Variants in LYPLAL1 observed in about 807,000 individuals in gnomAD.
The protein encoded by LYPLAL1 is lysophospholipase-like protein 1.
Under a neutral mutation model 19.7 loss-of-function variants are expected in LYPLAL1, and 23 were observed. The observed-to-expected ratio is 1.17, with a 90% CI of 0.84 to 1.65. LYPLAL1 has a LOEUF of 1.65. LYPLAL1 is among the 40% of genes most tolerant of loss of function. The pLI, the probability that LYPLAL1 is intolerant of heterozygous loss-of-function variation, is 0.00. For missense variants in LYPLAL1, 355 were observed against 279.4 expected, an observed-to-expected ratio of 1.27 and a Z score of -1.93; for synonymous variants, 119 against 96.3, an observed-to-expected ratio of 1.24 and a Z score of -1.38.
the LYPLAL1 span, among the ~76,000 whole-genome samples, chr1:219,290,181 A>G: frequency 6.6e-6 from 1 of 152,184 alleles, no homozygotes; most frequent in African/African-American, 2.4e-5. Context: ...AAATAAGTAA[A>G]TAAATGGACA....
the LYPLAL1 span, among the ~76,000 whole-genome samples, chr1:219,324,666 T>A: frequency 1.3e-5 from 2 of 152,126 alleles, no homozygotes; most frequent in African/African-American, 4.8e-5. Context: ...TGACATCAGA[T>A]TGACATGGAT....
chr1:219,238,304 ATTTTTTTTTTTTTT>A, the LYPLAL1 span, among the ~76,000 whole-genome samples: 1 of 81,904 alleles, frequency 1.2e-5, no homozygotes, highest in Non-Finnish European at 2.2e-5. Flanking sequence ...CGCCCGGCTA[ATTTTTTTTTTTTTT>A]TTTTTTTTTT....
chr1:219,400,953 T>C, the LYPLAL1 span, among the ~76,000 whole-genome samples: 1 of 152,246 alleles, frequency 6.6e-6, no homozygotes, highest in Non-Finnish European at 1.5e-5. Context: ...AAAAAGGGTT[T>C]GATGAATATT....
chr1:219,307,814 G>A, the LYPLAL1 span, among the ~76,000 whole-genome samples: 1 of 152,142 alleles, frequency 6.6e-6, no homozygotes, highest in East Asian at 1.9e-4. Context: ...TTCTGCTTTT[G>A]CTTCCTCCTT....
chr1:219,244,449 T>G, the LYPLAL1 span, among the ~76,000 whole-genome samples: 14 of 152,170 alleles, frequency 9.2e-5, no homozygotes, highest in Non-Finnish European at 1.3e-4. Context: ...TACTGCCTGG[T>G]AGAGCACATG....
At chr1:219,192,448 T>A (rs1657256349) in intron 2 of LYPLAL1, among the ~76,000 whole-genome samples, 1 of 151,580 alleles carries the variant, frequency 6.6e-6, no homozygotes, top group Non-Finnish European at 1.5e-5. Flanking sequence ...TGTCACTGGC[T>A]ATGTTTTCTT....
intron 3 of LYPLAL1, among the ~76,000 whole-genome samples, chr1:219,207,016 T>C (rs978167809): frequency 1.3e-5 from 2 of 152,034 alleles, no homozygotes; most frequent in African/African-American, 4.8e-5. Context: ...GCTTAGATGG[T>C]CTAGAACTAT....
At chr1:219,434,012 C>T in the LYPLAL1 span, among the ~76,000 whole-genome samples, 8 of 151,676 alleles carry the variant, frequency 5.3e-5, no homozygotes, top group African/African-American at 1.5e-4. Context: ...AGAAAGTTTC[C>T]GAGAAATGCC....
At chr1:219,378,985 A>C in the LYPLAL1 span, among the ~76,000 whole-genome samples, 4 of 152,168 alleles carry the variant, frequency 2.6e-5, no homozygotes, top group Non-Finnish European at 5.9e-5. Flanking sequence ...ACAAATTCAT[A>C]ATTCATACTA....
chr1:219,412,785 G>A, the LYPLAL1 span, among the ~76,000 whole-genome samples: 1 of 152,154 alleles, frequency 6.6e-6, no homozygotes, highest in Non-Finnish European at 1.5e-5. Context: ...TACCGACACA[G>A]GCAAGATGCA....
chr1:219,356,880 A>G, the LYPLAL1 span, among the ~76,000 whole-genome samples: 1 of 152,188 alleles, frequency 6.6e-6, no homozygotes. Context: ...AGGAACATAT[A>G]TTTGTCATTT....
chr1:219,194,705 A>G (rs890145906), intron 3 of LYPLAL1, among the ~76,000 whole-genome samples: 4 of 152,072 alleles, frequency 2.6e-5, no homozygotes, highest in African/African-American at 7.2e-5. Context: ...ACATTACCCA[A>G]TCAATAAATT....
At chr1:219,383,979 A>G in the LYPLAL1 span, among the ~76,000 whole-genome samples, 1 of 152,162 alleles carries the variant, frequency 6.6e-6, no homozygotes, top group Non-Finnish European at 1.5e-5. Flanking sequence ...TTGGGATGGT[A>G]TCTCACCACT....
the LYPLAL1 span, among the ~76,000 whole-genome samples, chr1:219,439,992 CACACAT>C: frequency 9.3e-5 from 3 of 32,386 alleles, no homozygotes; most frequent in Non-Finnish European, 2.4e-4. Flanking sequence ...TATATATATA[CACACAT>C]ATATATATAT....
chr1:219,326,577 AT>A, the LYPLAL1 span, among the ~76,000 whole-genome samples: 6 of 152,158 alleles, frequency 3.9e-5, no homozygotes, highest in Non-Finnish European at 4.4e-5. Flanking sequence ...AAGGCCCCGT[AT>A]CAACAAGAAA....
chr1:219,205,764 A>G (rs894777227), intron 3 of LYPLAL1, among the ~76,000 whole-genome samples: 3 of 152,200 alleles, frequency 2.0e-5, no homozygotes, highest in Non-Finnish European at 4.4e-5. Flanking sequence ...GCTGGGAGCT[A>G]AAACTTCAGA....
the LYPLAL1 span, among the ~76,000 whole-genome samples, chr1:219,328,536 TAG>T: frequency 1.3e-5 from 2 of 152,318 alleles, no homozygotes; most frequent in East Asian, 1.9e-4. Context: ...TTTTGTCTGA[TAG>T]AGTCATCATT....
chr1:219,436,310 C>T, the LYPLAL1 span, among the ~76,000 whole-genome samples: 3 of 152,100 alleles, frequency 2.0e-5, no homozygotes, highest in African/African-American at 7.2e-5. Context: ...TTTGTGGGCC[C>T]CCTTTTCCAT....
chr1:219,335,802 G>C, the LYPLAL1 span, among the ~76,000 whole-genome samples: 1 of 151,692 alleles, frequency 6.6e-6, no homozygotes, highest in Non-Finnish European at 1.5e-5. Flanking sequence ...CAGGTTTGTT[G>C]ATATCACAAA....
Sources: allele counts gnomAD v4.1 joint callset (sites outside exome capture counted in the v4.1 genomes callset), GRCh38; gene constraint gnomAD v4.1.1; transcripts MANE v1.5; gene names NCBI Gene and HGNC (gene_info 2026-07-23, HGNC 2026-07-21).